CACNB2: variants seen among roughly 807,000 people sequenced by gnomAD.
CACNB2 encodes voltage-dependent L-type calcium channel subunit beta-2.
A neutral mutation model predicts 73.3 loss-of-function variants in CACNB2; 42 were observed. That is an observed-to-expected ratio of 0.57 (90% CI 0.45 to 0.74). The LOEUF is 0.74. Among genes scored for constraint, CACNB2 ranks in the 30% least tolerant of loss-of-function variants. The pLI, the probability that CACNB2 is intolerant of heterozygous loss-of-function variation, is 0.00. For missense variants in CACNB2, 940 were observed against 853.0 expected, an observed-to-expected ratio of 1.10 and a Z score of -1.27; for synonymous variants, 348 against 310.3, an observed-to-expected ratio of 1.12 and a Z score of -1.28.
At chr10:18,382,532 CCTT>C in intron 2 of CACNB2, among the ~76,000 whole-genome samples, 1 of 152,216 alleles carries the variant, frequency 6.6e-6, no homozygotes, top group Non-Finnish European at 1.5e-5. Flanking sequence ...CTAATCCTCT[CCTT>C]CTCCCTTCCC....
intron 1 of CACNB2, 119 bp from the exon 2 acceptor site, chr10:18,150,764 G>A (rs746516846): frequency 7.7e-5 from 49 of 635,942 alleles, no homozygotes; most frequent in Admixed American, 1.7e-4. Context: ...ATGCTTACAT[G>A]ATGGCAATGT....
At chr10:18,292,244 C>G (rs2039094177) in intron 2 of CACNB2, among the ~76,000 whole-genome samples, 1 of 152,140 alleles carries the variant, frequency 6.6e-6, no homozygotes, top group Non-Finnish European at 1.5e-5. Flanking sequence ...GATAGCATAG[C>G]TGTTTCTTAA....
At chr10:18,299,585 C>A (rs371425138) in intron 2 of CACNB2, among the ~76,000 whole-genome samples, 4 of 152,256 alleles carry the variant, frequency 2.6e-5, no homozygotes, top group South Asian at 2.1e-4. Flanking sequence ...GTGGCATATA[C>A]CTTTACTCCC....
chr10:18,278,655 T>C (rs575427008), intron 2 of CACNB2, among the ~76,000 whole-genome samples: 1 of 152,286 alleles, frequency 6.6e-6, no homozygotes, highest in African/African-American at 2.4e-5. Context: ...AACGGCTAAG[T>C]CAGAAAAAGA....
chr10:18,177,948 G>A (rs1175775449), intron 2 of CACNB2, among the ~76,000 whole-genome samples: 1 of 152,120 alleles, frequency 6.6e-6, no homozygotes, highest in Non-Finnish European at 1.5e-5. Flanking sequence ...ATATACGTAG[G>A]TATTCAAGAG....
intron 9 of CACNB2, among the ~76,000 whole-genome samples, chr10:18,527,003 C>G (rs537772921): frequency 6.6e-6 from 1 of 152,282 alleles, no homozygotes; most frequent in African/African-American, 2.4e-5. Context: ...TCTCCTAGAG[C>G]TTTTTGGATC....
At chr10:18,328,804 T>C (rs1425414642) in intron 2 of CACNB2, among the ~76,000 whole-genome samples, 2 of 152,220 alleles carry the variant, frequency 1.3e-5, no homozygotes, top group Non-Finnish European at 2.9e-5. Context: ...GAACCAAACG[T>C]AACCCTAGGT....
Position 18,140,562 on chromosome 10 carries a change from G to A in CACNB2, c.-175G>A, listed in dbSNP as rs933152854. The stretch of plus-strand genomic sequence containing the variant: ...GCCCCGGCCCCGTCCCGCGCACTGA[G>A]CGCCTGGCAGCAGGGCGCCGAGTCC... On this transcript the variant is annotated 5_prime_UTR_variant, in exon 1 of 14. Transcript: ENST00000324631. 4.7e-6 allele frequency: 2 copies of A among 421,222 alleles called. No homozygotes were observed. The highest frequency in any genetic ancestry group is 4.1e-5 in the East Asian group (1 of 24,536). The allele number at this position is 421,222 out of a possible 1,614,324, so 26.1% of individuals were successfully genotyped here. A position where few individuals can be genotyped will look rare whatever the true frequency, so the allele number is the denominator to read the frequency against.
chr10:18,477,277 T>C (rs916781312), intron 3 of CACNB2, among the ~76,000 whole-genome samples: 8 of 152,074 alleles, frequency 5.3e-5, no homozygotes, highest in African/African-American at 1.9e-4. Context: ...TTGATTTAGG[T>C]GGGATTTGGC....
At chr10:18,245,435 C>A (rs1025369226) in intron 2 of CACNB2, among the ~76,000 whole-genome samples, 8 of 152,156 alleles carry the variant, frequency 5.3e-5, no homozygotes, top group African/African-American at 1.9e-4. Flanking sequence ...ATCCTCCTAC[C>A]TCAGGCTCTT....
intron 2 of CACNB2, among the ~76,000 whole-genome samples, chr10:18,339,972 T>C (rs542648352): frequency 3.3e-5 from 5 of 152,206 alleles, no homozygotes; most frequent in Non-Finnish European, 7.3e-5. Context: ...TCCACCATGA[T>C]GGATGCAAAA....
At chr10:18,200,331 C>T (rs1278437550) in intron 2 of CACNB2, among the ~76,000 whole-genome samples, 1 of 151,880 alleles carries the variant, frequency 6.6e-6, no homozygotes, top group Admixed American at 6.6e-5. Flanking sequence ...GATATTTTGA[C>T]TTCTGTAATC....
chr10:18,420,091 G>A (rs1394104104), intron 3 of CACNB2, among the ~76,000 whole-genome samples: 1 of 152,140 alleles, frequency 6.6e-6, no homozygotes, highest in East Asian at 1.9e-4. Flanking sequence ...AGCCAGTTTG[G>A]CCTTATCTGG....
chr10:18,486,845 G>A (rs1015968279), intron 3 of CACNB2, among the ~76,000 whole-genome samples: 39 of 152,138 alleles, frequency 2.6e-4, no homozygotes, highest in African/African-American at 8.9e-4. Flanking sequence ...ATTATTGTGT[G>A]GGGTAAATAT....
At chr10:18,539,202 A>G in intron 13 of CACNB2, 28 bp from the exon 14 acceptor site, 7 of 1,613,832 alleles carry the variant, frequency 4.3e-6, no homozygotes, top group Non-Finnish European at 5.9e-6. Context: ...ACCTTGGTTA[A>G]CGCCTGGTGT....
intron 2 of CACNB2, among the ~76,000 whole-genome samples, chr10:18,356,942 CTTTTTTTTTT>C (rs71402158): frequency 9.9e-6 from 1 of 101,104 alleles, no homozygotes; most frequent in Non-Finnish European, 2.0e-5. Flanking sequence ...GACTCAATTT[CTTTTTTTTTT>C]TTTTTTTTTT....
intron 2 of CACNB2, among the ~76,000 whole-genome samples, chr10:18,189,399 CAG>C (rs1175903988): frequency 3.9e-5 from 6 of 152,168 alleles, no homozygotes; most frequent in Admixed American, 6.5e-5. Context: ...TACATTCTTC[CAG>C]AGTTTTTTGG....
At chr10:18,479,848 C>A (rs933430899) in intron 3 of CACNB2, among the ~76,000 whole-genome samples, 1 of 152,192 alleles carries the variant, frequency 6.6e-6, no homozygotes, top group Admixed American at 6.5e-5. Context: ...ATTGCCCAGT[C>A]TCAGGTAGTT....
intron 3 of CACNB2, among the ~76,000 whole-genome samples, chr10:18,442,944 G>A (rs193094598): frequency 0.16 from 3,086 of 18,988 alleles, 365 homozygotes; most frequent in East Asian, 0.51. Flanking sequence ...ATATATATGT[G>A]TATATATATA....
Sources: allele counts gnomAD v4.1 joint callset (sites outside exome capture counted in the v4.1 genomes callset), GRCh38; gene constraint gnomAD v4.1.1; transcripts MANE v1.5; gene names NCBI Gene and HGNC (gene_info 2026-07-23, HGNC 2026-07-21).